The following MYO18B variants were observed in gnomAD, a reference collection of about 807,000 sequenced individuals.
MYO18B encodes myosin XVIIIB, also known as unconventional myosin-XVIIIb.
In MYO18B, 204 loss-of-function variants were observed where a neutral mutation model predicts 273.0. The observed-to-expected ratio is 0.75, with a 90% CI of 0.67 to 0.84. The LOEUF is 0.84. MYO18B is among the 40% of genes least tolerant of loss of function. MYO18B has a pLI of 0.00. For missense variants in MYO18B, 3,212 were observed against 3,287.6 expected (o/e 0.98, Z 0.56); for synonymous variants, 1,330 against 1,305.7 (o/e 1.02, Z -0.40).
intron 33 of MYO18B, among the ~76,000 whole-genome samples, chr22:25,916,178 A>G (rs763493): frequency 0.49 from 74,129 of 151,966 alleles, 18,290 homozygotes; most frequent in Middle Eastern, 0.58. Flanking sequence ...CTACTGTATC[A>G]GATTATTTTC....
the MYO18B span, among the ~76,000 whole-genome samples, chr22:26,052,871 C>T: frequency 2.0e-5 from 3 of 149,266 alleles, no homozygotes; most frequent in Admixed American, 6.7e-5. Flanking sequence ...GGCGTGATCT[C>T]GGCTCACTGC....
chr22:25,857,844 G>A (rs568438496), intron 21 of MYO18B, among the ~76,000 whole-genome samples: 3 of 152,332 alleles, frequency 2.0e-5, no homozygotes, highest in Middle Eastern at 3.4e-3. Flanking sequence ...GTAGAGACCT[G>A]GTTTCGCCAT....
In MYO18B at chr22:25,894,979, C is replaced by T. The variant is rs767748595; in HGVS notation, c.4544-177C>T. Reference sequence around the variant, plus strand: ...GTCAGGACAGGCTGCCTGGAGGAAGCGTTATTTAAAACTCAGAGTTAAAGC... The same window carrying T: ...GTCAGGACAGGCTGCCTGGAGGAAGTGTTATTTAAAACTCAGAGTTAAAGC... On this transcript the variant is annotated intron_variant, in intron 27 of 43. Coordinates refer to ENST00000335473, the MANE Select transcript of MYO18B (RefSeq NM_032608.7). The T allele has an allele frequency of 4.3e-5, 30 of 695,424 alleles. No individual in the cohort carries two copies. In the Middle Eastern group the frequency reaches 1.2e-3, roughly 28 times the overall value. 43.1% of individuals were successfully genotyped at this position (695,424 alleles called of 1,614,324 possible).
At chr22:25,821,466 A>G (rs756474317) in intron 12 of MYO18B, among the ~76,000 whole-genome samples, 1 of 152,178 alleles carries the variant, frequency 6.6e-6, no homozygotes, top group Non-Finnish European at 1.5e-5. Flanking sequence ...TAAGGACGAC[A>G]CTATTATTTG....
At chr22:25,794,955 C>T (rs2087845788) in intron 11 of MYO18B, among the ~76,000 whole-genome samples, 2 of 152,268 alleles carry the variant, frequency 1.3e-5, no homozygotes, top group African/African-American at 2.4e-5. Context: ...CTCAACTTCT[C>T]TTACCATGTT....
chr22:25,851,360 G>A (rs879273352), intron 20 of MYO18B, 110 bp from the exon 21 acceptor site: 3 of 702,474 alleles, frequency 4.3e-6, no homozygotes, highest in African/African-American at 1.8e-5. Context: ...CAAGTTAGTA[G>A]CCAGGCTAGG....
chr22:25,779,314 C>G (rs922250496), intron 8 of MYO18B, among the ~76,000 whole-genome samples: 4 of 152,022 alleles, frequency 2.6e-5, no homozygotes, highest in Non-Finnish European at 5.9e-5. Flanking sequence ...CTCATGACAG[C>G]CACATGAGGA....
At chr22:25,947,491 C>CACACACAG (rs1555960032) in intron 35 of MYO18B, among the ~76,000 whole-genome samples, 1 of 61,348 alleles carries the variant, frequency 1.6e-5, no homozygotes, top group Non-Finnish European at 3.3e-5. Flanking sequence ...GCCTAATACA[C>CACACACAG]ACACACACAC....
At chr22:25,788,470 A>C (rs2087494533) in intron 11 of MYO18B, among the ~76,000 whole-genome samples, 1 of 152,210 alleles carries the variant, frequency 6.6e-6, no homozygotes, top group African/African-American at 2.4e-5. Flanking sequence ...GGAAGCCTGA[A>C]GGGTTGGGAG....
At position 25,952,255 on chromosome 22, in the gene MYO18B, G is replaced by A. The variant is rs558316684; in HGVS notation, c.5833-31G>A. On this transcript the variant is annotated intron_variant, in intron 37 of 43. Coordinates refer to ENST00000335473, the MANE Select transcript of MYO18B (RefSeq NM_032608.7). ...CTCTGTCCTGGTATCAGGGACAACA[G>A]ATGTCCAATAGACTTCTCTCATACT... 38 of 1,601,000 alleles carry A rather than the reference G, an allele frequency of 2.4e-5. No homozygotes were observed. In the South Asian group the frequency reaches 2.9e-4, roughly 12 times the overall value.
chr22:26,050,987 T>C, the MYO18B span, among the ~76,000 whole-genome samples: 6 of 152,186 alleles, frequency 3.9e-5, no homozygotes, highest in African/African-American at 1.4e-4. Context: ...AGTTTAAGGA[T>C]AGATATGGTT....
Position 25,770,095 on chromosome 22 carries a change from G to A in MYO18B, c.1513-15G>A, listed in dbSNP as rs960503408. The A allele has an allele frequency of 1.2e-6, 2 of 1,613,688 alleles. No homozygotes were observed. Among genetic ancestry groups the A allele is most frequent in the African/African-American group, 2.7e-5 (2 of 74,910 alleles). On this transcript the variant is annotated splice_polypyrimidine_tract_variant and intron_variant, in intron 4 of 43. Coordinates refer to ENST00000335473, the MANE Select transcript of MYO18B (RefSeq NM_032608.7). The stretch of plus-strand genomic sequence containing the variant: ...TGCCATTTGCTGGTTTAATTTACGT[G>A]ATGTTGGTTCTCAGGCTCCTGAGGA...
At chr22:25,863,994 G>C (rs1232022450) in intron 21 of MYO18B, among the ~76,000 whole-genome samples, 2 of 152,218 alleles carry the variant, frequency 1.3e-5, no homozygotes, top group African/African-American at 2.4e-5. Flanking sequence ...AGGCTTAGCT[G>C]TGCCATTGGC....
chr22:25,858,284 G>T (rs1284690832), intron 21 of MYO18B, among the ~76,000 whole-genome samples: 1 of 152,212 alleles, frequency 6.6e-6, no homozygotes, highest in African/African-American at 2.4e-5. Context: ...GCAACATATA[G>T]TATGGCATAG....
At chr22:26,041,031 G>C in the MYO18B span, among the ~76,000 whole-genome samples, 1 of 152,142 alleles carries the variant, frequency 6.6e-6, no homozygotes, top group Admixed American at 6.5e-5. Context: ...GTTTGACCTA[G>C]GTCCTAGAGC....
Position 25,748,038 on chromosome 22 carries a change from C to T in MYO18B, c.-110+5745C>T, listed in dbSNP as rs971485072. ...AACCCTTTGCAGAGTGAAATGTCCACTTCTGCGGCAGAAGGCAGGTTAGAG... is the reference window on the plus strand; with the variant it reads ...AACCCTTTGCAGAGTGAAATGTCCATTTCTGCGGCAGAAGGCAGGTTAGAG... On this transcript the variant is annotated intron_variant, in intron 1 of 43. Coordinates refer to ENST00000335473, the MANE Select transcript of MYO18B (RefSeq NM_032608.7). Among the ~76,000 whole-genome samples the T allele has an allele frequency of 3.3e-5, 5 of 152,206 alleles. No individual in the cohort carries two copies. The East Asian group carries it at 7.7e-4, about 23-fold the overall frequency.
chr22:25,769,338 T>C lies in MYO18B; in HGVS notation c.1422T>C (p.Asp474=). Residue 474 remains aspartate, a synonymous_variant, in exon 4 of 44, where the codon GAT becomes GAC. Transcript: ENST00000335473. ...EGPSQPALEK[D]AERPRIRKEN... is the part of the protein sequence containing the mutation. ...CCAGCCAGCCTGCTCTGGAGAAGGA[T>C]GCAGAAAGGCCTCGGATACGGAAGG... is the stretch of plus-strand genomic sequence containing the variant. 4 of 1,578,134 alleles carry C rather than the reference T, an allele frequency of 2.5e-6. No homozygotes were observed. Among genetic ancestry groups the C allele is most frequent in the Non-Finnish European group, 3.4e-6 (4 of 1,162,534 alleles).
intron 39 of MYO18B, among the ~76,000 whole-genome samples, chr22:25,990,704 AAAAAAAAAAAAAAAAAGAAAAAG>A (rs745983180): frequency 0.077 from 3,270 of 42,262 alleles, 781 homozygotes; most frequent in African/African-American, 0.27. Context: ...AAAAAAAAAA[AAAAAAAAAAAAAAAAAGAAAAAG>A]AAAAAAAAAA....
At chr22:25,801,738 C>T (rs2088204911) in intron 12 of MYO18B, among the ~76,000 whole-genome samples, 2 of 152,062 alleles carry the variant, frequency 1.3e-5, no homozygotes, top group Non-Finnish European at 2.9e-5. Context: ...GTTTATAGAC[C>T]CGATGATGTC....
Sources: allele counts gnomAD v4.1 joint callset (sites outside exome capture counted in the v4.1 genomes callset), GRCh38; gene constraint gnomAD v4.1.1; transcripts MANE v1.5; gene names NCBI Gene and HGNC (gene_info 2026-07-23, HGNC 2026-07-21).